Variants in SLC9A9 observed in about 807,000 individuals in gnomAD.
SLC9A9 encodes the protein sodium/hydrogen exchanger 9.
A neutral mutation model predicts 77.8 loss-of-function variants in SLC9A9; 62 were observed. That is an observed-to-expected ratio of 0.80 (90% CI 0.65 to 0.98). The LOEUF (loss-of-function observed/expected upper bound fraction) is 0.98, where lower values mean the gene tolerates loss of function less well. Ranked by LOEUF, SLC9A9 falls within the 50% of genes least tolerant of loss-of-function variation. The pLI, the probability that SLC9A9 is intolerant of heterozygous loss-of-function variation, is 0.00. For synonymous variants in SLC9A9, 320 were observed against 283.5 expected, an observed-to-expected ratio of 1.13 and a Z score of -1.29; for missense variants, 775 against 774.9, an observed-to-expected ratio of 1.00 and a Z score of 0.00.
At chr3:143,798,258 G>A (rs190172727) in intron 2 of SLC9A9, among the ~76,000 whole-genome samples, 87 of 152,250 alleles carry the variant, frequency 5.7e-4, no homozygotes, top group African/African-American at 2.0e-3. Flanking sequence ...CCAAAACTCC[G>A]GCGCCAGTCA....
intron 11 of SLC9A9, among the ~76,000 whole-genome samples, chr3:143,472,858 T>C (rs1333450560): frequency 1.3e-5 from 2 of 152,260 alleles, no homozygotes; most frequent in Non-Finnish European, 2.9e-5. Context: ...TTATTATTTA[T>C]TGAGATCCTT....
At chr3:143,726,251 G>GAAAAAAAAAAAAAA (rs3055626) in intron 4 of SLC9A9, among the ~76,000 whole-genome samples, 4 of 136,910 alleles carry the variant, frequency 2.9e-5, no homozygotes, top group Admixed American at 7.4e-5. Flanking sequence ...AATAAAAAAA[G>GAAAAAAAAAAAAAA]AAAAAAAAAA....
intron 4 of SLC9A9, among the ~76,000 whole-genome samples, chr3:143,705,039 C>A (rs1371302505): frequency 1.8e-3 from 57 of 31,068 alleles, no homozygotes; most frequent in African/African-American, 3.8e-3. Flanking sequence ...ATCTATCTAT[C>A]TATATAGATA....
chr3:143,672,424 G>A (rs1212191395), intron 5 of SLC9A9, among the ~76,000 whole-genome samples: 2 of 152,152 alleles, frequency 1.3e-5, no homozygotes, highest in Non-Finnish European at 2.9e-5. Context: ...AGTGATTAGA[G>A]AGCATGATCA....
intron 5 of SLC9A9, among the ~76,000 whole-genome samples, chr3:143,664,145 T>C (rs187446600): frequency 6.4e-4 from 98 of 152,288 alleles, no homozygotes; most frequent in African/African-American, 2.1e-3. Flanking sequence ...GCAGAAACTC[T>C]ACAAGCCAGA....
chr3:143,494,877 A>G (rs1421344551), intron 10 of SLC9A9, among the ~76,000 whole-genome samples: 5 of 152,220 alleles, frequency 3.3e-5, no homozygotes, highest in African/African-American at 1.2e-4. Context: ...TCATTTGATC[A>G]TCTATCCTAT....
intron 6 of SLC9A9, among the ~76,000 whole-genome samples, chr3:143,584,077 T>C (rs968856839): frequency 1.3e-5 from 2 of 152,220 alleles, no homozygotes; most frequent in African/African-American, 2.4e-5. Context: ...ATAATAGGTA[T>C]GAAAAATATT....
At chr3:143,371,263 T>A (rs570732044) in intron 13 of SLC9A9, among the ~76,000 whole-genome samples, 1 of 152,324 alleles carries the variant, frequency 6.6e-6, no homozygotes, top group South Asian at 2.1e-4. Context: ...AAAAGTCAGC[T>A]ATTCTATTGA....
chr3:143,764,971 T>C (rs201024674), intron 4 of SLC9A9, among the ~76,000 whole-genome samples: 2 of 147,236 alleles, frequency 1.4e-5, no homozygotes, highest in African/African-American at 5.2e-5. Context: ...TTTCTCTTTC[T>C]TTCCTTCCTT....
At chr3:143,667,254 G>C (rs949419396) in intron 5 of SLC9A9, among the ~76,000 whole-genome samples, 5 of 152,156 alleles carry the variant, frequency 3.3e-5, no homozygotes, top group Non-Finnish European at 7.3e-5. Context: ...TTAATAAAAG[G>C]TGCTGGGAAA....
chr3:143,272,375 A>G (rs1178948833), intron 14 of SLC9A9, among the ~76,000 whole-genome samples: 1 of 152,198 alleles, frequency 6.6e-6, no homozygotes, highest in Non-Finnish European at 1.5e-5. Context: ...GGCACTTCTT[A>G]GATACTTATG....
At chr3:143,820,561 C>A (rs1050830168) in intron 2 of SLC9A9, among the ~76,000 whole-genome samples, 23 of 152,104 alleles carry the variant, frequency 1.5e-4, no homozygotes, top group African/African-American at 4.8e-4. Flanking sequence ...TGTGGGCCTG[C>A]CATTCATGTG....
intron 4 of SLC9A9, among the ~76,000 whole-genome samples, chr3:143,707,369 T>TACACAC (rs67386185): frequency 0.021 from 3,171 of 149,208 alleles, 100 homozygotes; most frequent in African/African-American, 0.074. Context: ...TTTTAAAATC[T>TACACAC]ACACACACAC....
intron 6 of SLC9A9, among the ~76,000 whole-genome samples, chr3:143,587,460 A>G (rs2037562079): frequency 1.3e-5 from 2 of 152,236 alleles, no homozygotes; most frequent in African/African-American, 4.8e-5. Flanking sequence ...AAATAAAGGG[A>G]GAGCTTTCTA....
At chr3:143,635,278 T>C (rs990527852) in intron 6 of SLC9A9, among the ~76,000 whole-genome samples, 1 of 152,168 alleles carries the variant, frequency 6.6e-6, no homozygotes, top group Non-Finnish European at 1.5e-5. Context: ...GAGTAAGTTC[T>C]CTAAGCGAGA....
intron 2 of SLC9A9, among the ~76,000 whole-genome samples, chr3:143,821,488 T>C (rs1324306683): frequency 1.3e-5 from 2 of 152,132 alleles, no homozygotes; most frequent in East Asian, 3.8e-4. Context: ...GAGCTGAAAA[T>C]GTGATGCTCT....
At chr3:143,696,842 A>G (rs1379189783) in intron 4 of SLC9A9, among the ~76,000 whole-genome samples, 1 of 152,168 alleles carries the variant, frequency 6.6e-6, no homozygotes, top group Non-Finnish European at 1.5e-5. Flanking sequence ...CATGGAAACT[A>G]GAAGCCTCAT....
intron 15 of SLC9A9, 139 bp downstream of exon 15, chr3:143,268,732 CAAAA>C (rs11312794): frequency 0.011 from 2,632 of 232,292 alleles, no homozygotes; most frequent in South Asian, 0.013. Context: ...GACTCCGTCT[CAAAA>C]AAAAAAAAAA....
chr3:143,608,006 G>A (rs904308770), intron 6 of SLC9A9, among the ~76,000 whole-genome samples: 1 of 151,802 alleles, frequency 6.6e-6, no homozygotes, highest in African/African-American at 2.4e-5. Flanking sequence ...ACACCTCAAA[G>A]GTCTAGTAAT....
Sources: allele counts gnomAD v4.1 joint callset (sites outside exome capture counted in the v4.1 genomes callset), GRCh38; gene constraint gnomAD v4.1.1; transcripts MANE v1.5; gene names NCBI Gene and HGNC (gene_info 2026-07-23, HGNC 2026-07-21).